ATOX1: variants seen among roughly 807,000 people sequenced by gnomAD.
ATOX1 encodes the protein antioxidant 1 copper chaperone, also known as copper transport protein ATOX1.
A neutral mutation model predicts 7.3 loss-of-function variants in ATOX1; 4 were observed. That is an observed-to-expected ratio of 0.55 (90% CI 0.27 to 1.25). The LOEUF (loss-of-function observed/expected upper bound fraction) is 1.25. ATOX1 is among the 50% of genes most tolerant of loss of function. ATOX1 has a pLI of 0.12. For missense variants in ATOX1, 68 were observed against 81.6 expected, an observed-to-expected ratio of 0.83 and a Z score of 0.64; for synonymous variants, 25 against 28.7, an observed-to-expected ratio of 0.87 and a Z score of 0.41.
At chr5:151,750,137 A>G (rs1267170671) in intron 2 of ATOX1, among the ~76,000 whole-genome samples, 1 of 152,252 alleles carries the variant, frequency 6.6e-6, no homozygotes, top group African/African-American at 2.4e-5. Flanking sequence ...CAAAACTCTG[A>G]TCACAACTCA....
At chr5:151,746,512 A>G in intron 2 of ATOX1, 63 bp from the exon 3 acceptor site, 1 of 1,601,598 alleles carries the variant, frequency 6.2e-7, no homozygotes, top group Non-Finnish European at 8.5e-7. Context: ...TACAGCAAGA[A>G]AGAGTTCAGG....
intron 1 of ATOX1, chr5:151,752,420 C>T: frequency 5.7e-6 from 4 of 696,764 alleles, no homozygotes; most frequent in South Asian, 4.5e-5. Context: ...TCCCCGGCTC[C>T]TAGTCTTCAT....
At chr5:151,744,464 T>C (rs1019586148) in intron 3 of ATOX1, 5 of 152,162 alleles carry the variant, frequency 3.3e-5, no homozygotes, top group African/African-American at 1.2e-4. Flanking sequence ...TAAAATAACA[T>C]GAGAAAACAT....
chr5:151,744,304 T>C (rs1287143733), intron 3 of ATOX1: 4 of 152,216 alleles, frequency 2.6e-5, no homozygotes, highest in African/African-American at 9.6e-5. Flanking sequence ...ATGCCTAGTG[T>C]TCCATTATTG....
intron 1 of ATOX1, among the ~76,000 whole-genome samples, chr5:151,753,312 G>T (rs1434790380): frequency 4.6e-5 from 7 of 152,196 alleles, no homozygotes; most frequent in Non-Finnish European, 8.8e-5. Flanking sequence ...GAAACTGTGT[G>T]AGTTACTATA....
chr5:151,750,636 T>TTTTC (rs1245874800), intron 2 of ATOX1, among the ~76,000 whole-genome samples: 4 of 147,540 alleles, frequency 2.7e-5, no homozygotes, highest in Non-Finnish European at 3.0e-5. Flanking sequence ...TCTTTCCTTT[T>TTTTC]TTTCTTTCTT....
At position 151,758,565 on chromosome 5, in the gene ATOX1, G is replaced by T; in HGVS notation, c.-14C>A. 1 of 1,416,562 alleles carries T rather than the reference G, an allele frequency of 7.1e-7. No individual in the cohort carries two copies. The highest frequency in any genetic ancestry group is 9.3e-7 in the Non-Finnish European group (1 of 1,079,054). The allele number at this position is 1,416,562 out of a possible 1,614,324, so 87.7% of individuals were successfully genotyped here. ...ACTCACCGGCATGACTGAGGCAGCG[G>T]CGGTGTGGCGGCGGTGTGGCGGCGG... On this transcript the variant is annotated 5_prime_UTR_variant, in exon 1 of 4. Coordinates refer to ENST00000313115, the MANE Select transcript of ATOX1 (RefSeq NM_004045.4).
chr5:151,757,158 C>T (rs1007569938), intron 1 of ATOX1, among the ~76,000 whole-genome samples: 1 of 152,196 alleles, frequency 6.6e-6, no homozygotes, highest in South Asian at 2.1e-4. Context: ...TTGACTAACA[C>T]CCTCTTTCCT....
chr5:151,747,695 C>T (rs1435796485), intron 2 of ATOX1, among the ~76,000 whole-genome samples: 1 of 151,976 alleles, frequency 6.6e-6, no homozygotes, highest in African/African-American at 2.4e-5. Flanking sequence ...AGCGATTCTT[C>T]TGCCTCAGCC....
intron 2 of ATOX1, among the ~76,000 whole-genome samples, chr5:151,749,155 C>T (rs958881466): frequency 6.6e-6 from 1 of 152,104 alleles, no homozygotes; most frequent in Non-Finnish European, 1.5e-5. Context: ...GAGCCTGCTG[C>T]TTTGTATTTG....
chr5:151,750,737 C>T (rs1761939488), intron 2 of ATOX1, among the ~76,000 whole-genome samples: 1 of 147,848 alleles, frequency 6.8e-6, no homozygotes, highest in African/African-American at 2.5e-5. Flanking sequence ...GCCTTAACCT[C>T]CCAGGCTCAA....
At chr5:151,751,821 G>C (rs925051927) in intron 1 of ATOX1, 42 bp from the exon 2 acceptor site, 5 of 1,566,548 alleles carry the variant, frequency 3.2e-6, no homozygotes, top group Non-Finnish European at 3.5e-6. Flanking sequence ...GCCCTGTAGA[G>C]TGACCCCCAC....
intron 1 of ATOX1, among the ~76,000 whole-genome samples, chr5:151,757,200 G>A (rs1320989649): frequency 6.6e-6 from 1 of 152,138 alleles, no homozygotes; most frequent in Non-Finnish European, 1.5e-5. Context: ...ATGGTGCCAA[G>A]TGCCCTCCTC....
chr5:151,757,137 G>A (rs1013916827), intron 1 of ATOX1, among the ~76,000 whole-genome samples: 1 of 152,084 alleles, frequency 6.6e-6, no homozygotes, highest in Non-Finnish European at 1.5e-5. Context: ...TTCCAGTTTT[G>A]AGGAAATCCC....
intron 2 of ATOX1, among the ~76,000 whole-genome samples, chr5:151,747,225 G>A (rs1761888982): frequency 6.6e-6 from 1 of 151,702 alleles, no homozygotes; most frequent in Non-Finnish European, 1.5e-5. Context: ...CCTCCAAATC[G>A]CATCACACTA....
At chr5:151,746,247 G>C (rs901090060) in intron 3 of ATOX1, 32 bp downstream of exon 3, 1 of 1,578,904 alleles carries the variant, frequency 6.3e-7, no homozygotes. Context: ...TGAGCTGTAG[G>C]TTTGTTCAGC....
intron 2 of ATOX1, 85 bp from the exon 3 acceptor site, chr5:151,746,534 T>C: frequency 6.4e-7 from 1 of 1,558,212 alleles, no homozygotes; most frequent in South Asian, 1.1e-5. Context: ...TCTAAATTAC[T>C]ACTCACAACC....
intron 3 of ATOX1, chr5:151,744,329 C>T (rs556204519): frequency 1.9e-4 from 29 of 152,316 alleles, no homozygotes; most frequent in African/African-American, 7.0e-4. Context: ...GCTAAGCTTG[C>T]AGGAGTTATT....
Position 151,753,704 on chromosome 5 carries a change from A to G in ATOX1, c.7-1925T>C, listed in dbSNP as rs28917188. The stretch of plus-strand genomic sequence containing the variant: ...TAGGAAGAATCTGGGGACCTTGTGG[A>G]AAGTGCAGCTCCCAGACACCTGCCT... On this transcript the variant is annotated intron_variant, in intron 1 of 3. Coordinates refer to ENST00000313115, the MANE Select transcript of ATOX1 (RefSeq NM_004045.4). 3.3e-5 allele frequency: 5 copies of G among 152,314 alleles called. No homozygotes were observed. In the East Asian group the frequency reaches 9.6e-4, roughly 29 times the overall value. The allele number at this position is 152,314 out of a possible 1,614,324, so 9.4% of individuals were successfully genotyped here.
Sources: allele counts gnomAD v4.1 joint callset (sites outside exome capture counted in the v4.1 genomes callset), GRCh38; gene constraint gnomAD v4.1.1; transcripts MANE v1.5; gene names NCBI Gene and HGNC (gene_info 2026-07-23, HGNC 2026-07-21).